Variants in ADAM18 observed in about 807,000 individuals in gnomAD.
ADAM18 encodes the protein ADAM metallopeptidase domain 18, also known as disintegrin and metalloproteinase domain-containing protein 18.
ADAM18 carries 117 observed loss-of-function variants against 94.4 expected under a neutral mutation model. The ratio of observed to expected loss-of-function variants is 1.24; its 90% CI spans 1.07 to 1.45. The LOEUF is 1.45. Among genes scored for constraint, ADAM18 ranks in the 40% most tolerant of loss-of-function variants. ADAM18 has a pLI of 0.00. For missense variants in ADAM18, 936 were observed against 880.0 expected (o/e 1.06, Z -0.81); for synonymous variants, 327 against 291.6 (o/e 1.12, Z -1.24).
chr8:39,675,093 T>C (rs1821265525), intron 14 of ADAM18, among the ~76,000 whole-genome samples: 1 of 152,168 alleles, frequency 6.6e-6, no homozygotes, highest in African/African-American at 2.4e-5. Context: ...ATCTGATAAT[T>C]ATGTGTCTTG....
At chr8:39,610,187 T>A (rs149319132) in intron 5 of ADAM18, among the ~76,000 whole-genome samples, 1 of 152,162 alleles carries the variant, frequency 6.6e-6, no homozygotes, top group Non-Finnish European at 1.5e-5. Context: ...TCTACATACA[T>A]GCCGTCCCTT....
intron 10 of ADAM18, among the ~76,000 whole-genome samples, chr8:39,641,456 A>T (rs1820232945): frequency 6.6e-6 from 1 of 151,916 alleles, no homozygotes; most frequent in Admixed American, 6.6e-5. Context: ...CCTAGTACCC[A>T]TTAGTTATTC....
intron 11 of ADAM18, among the ~76,000 whole-genome samples, chr8:39,646,257 C>A (rs1296491868): frequency 6.6e-6 from 1 of 152,016 alleles, no homozygotes; most frequent in Non-Finnish European, 1.5e-5. Flanking sequence ...TGATTGTCTA[C>A]CTTGGTGCTA....
intron 7 of ADAM18, among the ~76,000 whole-genome samples, chr8:39,637,055 A>ATGTG (rs1563285296): frequency 5.1e-5 from 7 of 138,546 alleles, no homozygotes; most frequent in Admixed American, 1.5e-4. Flanking sequence ...ATATATATAT[A>ATGTG]TATATATATA....
At chr8:39,693,164 T>A (rs189127910) in intron 17 of ADAM18, among the ~76,000 whole-genome samples, 1 of 151,772 alleles carries the variant, frequency 6.6e-6, no homozygotes, top group African/African-American at 2.4e-5. Flanking sequence ...GTTACTTTTA[T>A]ATTGCAGTTC....
intron 3 of ADAM18, 120 bp downstream of exon 3, chr8:39,606,482 A>G (rs1489698638): frequency 3.8e-6 from 2 of 521,162 alleles, no homozygotes; most frequent in African/African-American, 4.0e-5. Flanking sequence ...GACTTGTTTT[A>G]TCAATCAACT....
rs756395819 is a variant in ADAM18 at position 39,638,498 on chromosome 8, A to G, written c.861A>G (p.Thr287=). The change falls in exon 10 of 20, where the codon ACA becomes ACG. Residue 287 remains threonine (T), a synonymous_variant. Coordinates refer to ENST00000265707, the MANE Select transcript of ADAM18 (RefSeq NM_014237.3). ...AACATCCTAAATATGTGGGAGCAAC[A>G]TTTCCTGGCACTGTATGCAATAAAA... ...YRKHPKYVGA[T]FPGTVCNKSY... 6.4e-7 allele frequency: 1 copy of G among 1,572,574 alleles called. No individual in the cohort carries two copies. Among genetic ancestry groups the G allele is most frequent in the South Asian group, 1.2e-5 (1 of 82,358 alleles).
chr8:39,716,714 T>C (rs1024704408), intron 18 of ADAM18, among the ~76,000 whole-genome samples: 4 of 151,930 alleles, frequency 2.6e-5, no homozygotes, highest in Non-Finnish European at 5.9e-5. Context: ...TTAGGTCCAT[T>C]TGGTGTTTAG....
intron 14 of ADAM18, among the ~76,000 whole-genome samples, chr8:39,668,540 T>C (rs1015730145): frequency 6.6e-6 from 1 of 152,160 alleles, no homozygotes; most frequent in Non-Finnish European, 1.5e-5. Flanking sequence ...TTTAATGGCA[T>C]GAAACTTACA....
chr8:39,678,279 A>G (rs985084997), intron 15 of ADAM18, among the ~76,000 whole-genome samples: 2 of 152,250 alleles, frequency 1.3e-5, no homozygotes, highest in Admixed American at 6.5e-5. Flanking sequence ...AAGCACCACT[A>G]TCAGTATTGT....
chr8:39,624,136 T>A (rs1475743793), intron 6 of ADAM18, among the ~76,000 whole-genome samples: 2 of 152,248 alleles, frequency 1.3e-5, no homozygotes, highest in Non-Finnish European at 1.5e-5. Context: ...CTTCTTTTTC[T>A]GTGCAGAAGC....
chr8:39,609,125 A>AGT lies in ADAM18; in HGVS notation c.267+6_267+7dup. 6.5e-7 allele frequency: 1 copy of AGT among 1,536,028 alleles called. No individual in the cohort carries two copies. Among genetic ancestry groups the AGT allele is most frequent in the Non-Finnish European group, 8.9e-7 (1 of 1,125,688 alleles). ...TCTGTGTCTCCATATTTTATGGTAA[A>AGT]GTAAGATACCTTATTTTTTTTGTTA... On this transcript the variant is annotated splice_donor_region_variant and intron_variant, in intron 4 of 19. Transcript: ENST00000265707.
intron 18 of ADAM18, among the ~76,000 whole-genome samples, chr8:39,722,999 G>A (rs1367004640): frequency 5.2e-5 from 1 of 19,242 alleles, no homozygotes; most frequent in Non-Finnish European, 9.2e-5. Flanking sequence ...CGTTTGGAGA[G>A]GAGAAGGATT....
intron 16 of ADAM18, among the ~76,000 whole-genome samples, chr8:39,688,260 G>T (rs1265840831): frequency 6.6e-6 from 1 of 152,012 alleles, no homozygotes. Context: ...AAGTTCAGGG[G>T]TACATGTGAA....
chr8:39,584,773 T>C, intron 1 of ADAM18, 96 bp downstream of exon 1: 1 of 1,389,318 alleles, frequency 7.2e-7, no homozygotes, highest in Non-Finnish European at 1.0e-6. Flanking sequence ...ACCCTCCCCC[T>C]CTCCCTTCTG....
chr8:39,709,108 G>C (rs1230184001), intron 18 of ADAM18, among the ~76,000 whole-genome samples: 1 of 151,844 alleles, frequency 6.6e-6, no homozygotes, highest in African/African-American at 2.4e-5. Flanking sequence ...CTCTTGTCTG[G>C]TGTCCAGGAA....
intron 7 of ADAM18, among the ~76,000 whole-genome samples, chr8:39,629,814 G>T (rs1482139181): frequency 1.3e-5 from 2 of 151,674 alleles, no homozygotes; most frequent in African/African-American, 4.8e-5. Flanking sequence ...AGGGGTGTTA[G>T]ATAAATCAAC....
chr8:39,608,369 A>G (rs971332094), intron 3 of ADAM18, among the ~76,000 whole-genome samples: 7 of 151,774 alleles, frequency 4.6e-5, no homozygotes, highest in African/African-American at 7.3e-5. Context: ...TGCTGTCTTT[A>G]TCTGCTCAAA....
intron 16 of ADAM18, among the ~76,000 whole-genome samples, chr8:39,687,335 A>G (rs1318046146): frequency 6.6e-6 from 1 of 152,208 alleles, no homozygotes; most frequent in African/African-American, 2.4e-5. Context: ...TTGATCATCA[A>G]TGTATAACTT....
Sources: gnomAD v4.1 joint callset for allele counts (sites outside exome capture counted in the v4.1 genomes callset) on GRCh38, gnomAD v4.1.1 for gene constraint, MANE v1.5 for transcripts, NCBI Gene and HGNC (gene_info 2026-07-23, HGNC 2026-07-21) for gene names.